Variants in OXR1 observed in about 807,000 individuals in gnomAD.
OXR1 encodes the protein oxidation resistance 1.
OXR1 carries 41 observed loss-of-function variants against 104.6 expected under a neutral mutation model. The ratio of observed to expected loss-of-function variants is 0.39; its 90% CI spans 0.31 to 0.51. The LOEUF is 0.51. Among genes scored for constraint, OXR1 ranks in the 20% least tolerant of loss-of-function variants. The pLI is 0.77. For missense variants in OXR1, 955 were observed against 1,031.9 expected (o/e 0.93, Z 1.02); for synonymous variants, 348 against 348.4 (o/e 1.00, Z 0.01).
Position 106,683,613 on chromosome 8 carries a change from A to T in OXR1, c.411+307A>T, listed in dbSNP as rs1439264597. Among the ~76,000 whole-genome samples, 4 of 152,294 alleles carry T rather than the reference A, an allele frequency of 2.6e-5. No individual in the cohort carries two copies. The South Asian group carries it at 8.3e-4, about 32-fold the overall frequency. The stretch of plus-strand genomic sequence containing the variant: ...CTTTATCAAAGTAAGGCATCCCTCC[A>T]TCTCAAACTTTCAGTTTCTTTTCCA... On this transcript the variant is annotated intron_variant, in intron 5 of 16. Transcript: ENST00000517566.
At chr8:106,692,298 C>T (rs1243821884) in intron 6 of OXR1, among the ~76,000 whole-genome samples, 1 of 151,868 alleles carries the variant, frequency 6.6e-6, no homozygotes, top group Non-Finnish European at 1.5e-5. Flanking sequence ...GGTAAGCTTT[C>T]CACCTTTTTA....
rs1192909551 is a variant in OXR1, at chr8:106,471,966, T to C, written c.24-46977T>C. Among the ~76,000 whole-genome samples the C allele has an allele frequency of 7.2e-5, 11 of 151,990 alleles. No homozygotes were observed. The East Asian group carries it at 2.1e-3, about 30-fold the overall frequency. ...AATCTGGAAATTGTTATCGATGAAA[T>C]ACTGTTAATTAATTTACCAACCCTA... is the stretch of plus-strand genomic sequence containing the variant. On this transcript the variant is annotated intron_variant, in intron 2 of 16. Coordinates refer to ENST00000517566, the MANE Select transcript of OXR1 (RefSeq NM_001198533.2).
chr8:106,562,239 G>A (rs762190899), intron 3 of OXR1, among the ~76,000 whole-genome samples: 8 of 152,080 alleles, frequency 5.3e-5, no homozygotes, highest in South Asian at 2.1e-4. Flanking sequence ...AAAGGTGAGC[G>A]GAATGGCTAT....
At chr8:106,723,232 G>T (rs902446630) in intron 11 of OXR1, among the ~76,000 whole-genome samples, 3 of 151,834 alleles carry the variant, frequency 2.0e-5, no homozygotes, top group African/African-American at 4.8e-5. Flanking sequence ...TGGCTCATGC[G>T]TGTAATCCCA....
intron 2 of OXR1, among the ~76,000 whole-genome samples, chr8:106,426,564 T>C (rs1206042779): frequency 2.6e-5 from 4 of 152,192 alleles, no homozygotes; most frequent in African/African-American, 7.2e-5. Flanking sequence ...CTTCATTCTG[T>C]AGGAATATGA....
chr8:106,393,462 C>T (rs192603816), intron 2 of OXR1, among the ~76,000 whole-genome samples: 2 of 152,238 alleles, frequency 1.3e-5, no homozygotes, highest in East Asian at 3.9e-4. Context: ...GTAGAAATCA[C>T]ATGTGATCTA....
chr8:106,314,149 T>C (rs1031915425), intron 1 of OXR1, among the ~76,000 whole-genome samples: 1 of 152,182 alleles, frequency 6.6e-6, no homozygotes, highest in Non-Finnish European at 1.5e-5. Context: ...AAGGGAGCTT[T>C]TATATTAATC....
chr8:106,663,091 G>A (rs532322077), intron 3 of OXR1, among the ~76,000 whole-genome samples: 1 of 152,214 alleles, frequency 6.6e-6, no homozygotes, highest in African/African-American at 2.4e-5. Context: ...AAACACTCCT[G>A]TTCCCAAGCA....
chr8:106,294,790 C>A (rs1812921314), intron 1 of OXR1, among the ~76,000 whole-genome samples: 1 of 152,160 alleles, frequency 6.6e-6, no homozygotes, highest in African/African-American at 2.4e-5. Flanking sequence ...GGACAAACAG[C>A]CAAACCATAT....
chr8:106,740,237 T>C (rs561137027), intron 13 of OXR1, 106 bp from the exon 14 acceptor site: 1 of 701,524 alleles, frequency 1.4e-6, no homozygotes, highest in East Asian at 2.8e-5. Flanking sequence ...TTAATTTATT[T>C]TTATAGCCTA....
At chr8:106,321,919 C>T (rs1411377023) in intron 1 of OXR1, among the ~76,000 whole-genome samples, 5 of 152,142 alleles carry the variant, frequency 3.3e-5, no homozygotes, top group Non-Finnish European at 7.3e-5. Context: ...TCTCTTAATA[C>T]AACTTTATAT....
At chr8:106,653,507 T>C (rs999500116) in intron 3 of OXR1, among the ~76,000 whole-genome samples, 1 of 151,892 alleles carries the variant, frequency 6.6e-6, no homozygotes, top group Non-Finnish European at 1.5e-5. Flanking sequence ...AGCACAATAT[T>C]ATATCAACAG....
chr8:106,688,756 T>C (rs1289864941), intron 6 of OXR1, among the ~76,000 whole-genome samples: 3 of 152,130 alleles, frequency 2.0e-5, no homozygotes, highest in Non-Finnish European at 4.4e-5. Flanking sequence ...GAGAGAAGAA[T>C]GATGGTTAGT....
intron 16 of OXR1, among the ~76,000 whole-genome samples, chr8:106,748,812 C>T (rs531940026): frequency 1.5e-4 from 22 of 151,466 alleles, no homozygotes; most frequent in Non-Finnish European, 2.9e-4. Flanking sequence ...TCAGGGGATC[C>T]ACCAGCCTCA....
chr8:106,608,596 A>G (rs1301204476), intron 3 of OXR1, among the ~76,000 whole-genome samples: 1 of 152,206 alleles, frequency 6.6e-6, no homozygotes, highest in East Asian at 1.9e-4. Flanking sequence ...TAATTTTTCT[A>G]TATGCGAGAG....
chr8:106,527,220 G>A (rs562824639), intron 3 of OXR1, among the ~76,000 whole-genome samples: 1 of 152,302 alleles, frequency 6.6e-6, no homozygotes, highest in African/African-American at 2.4e-5. Flanking sequence ...CCTAGGACTT[G>A]CAAGTTCTCA....
chr8:106,344,242 T>C (rs1815381913), intron 1 of OXR1, among the ~76,000 whole-genome samples: 1 of 151,330 alleles, frequency 6.6e-6, no homozygotes, highest in Non-Finnish European at 1.5e-5. Context: ...GCAGCAGATA[T>C]CTGCTTCCCA....
intron 2 of OXR1, among the ~76,000 whole-genome samples, chr8:106,462,303 G>T (rs768256701): frequency 1.6e-4 from 24 of 152,112 alleles, no homozygotes; most frequent in African/African-American, 5.3e-4. Flanking sequence ...TTACCTGATT[G>T]TTATGCTTCA....
intron 8 of OXR1, among the ~76,000 whole-genome samples, chr8:106,705,844 C>T (rs905703102): frequency 3.9e-5 from 6 of 152,108 alleles, no homozygotes; most frequent in Admixed American, 2.6e-4. Flanking sequence ...TCTCTATATA[C>T]TTTTGCTTGA....
Sources: allele counts gnomAD v4.1 joint callset (sites outside exome capture counted in the v4.1 genomes callset), GRCh38; gene constraint gnomAD v4.1.1; transcripts MANE v1.5; gene names NCBI Gene and HGNC (gene_info 2026-07-23, HGNC 2026-07-21).